AGBL1: variants seen among roughly 807,000 people sequenced by gnomAD.
AGBL1 encodes AGBL carboxypeptidase 1.
Under a neutral mutation model 118.9 loss-of-function variants are expected in AGBL1, and 130 were observed. The observed-to-expected ratio is 1.09, with a 90% CI of 0.95 to 1.26. The LOEUF is 1.26. Ranked by LOEUF, AGBL1 falls within the 50% of genes most tolerant of loss-of-function variation. AGBL1 has a pLI of 0.00. For missense variants in AGBL1, 1,584 were observed against 1,298.1 expected (o/e 1.22, Z -3.38); for synonymous variants, 555 against 478.9 (o/e 1.16, Z -2.08).
intron 22 of AGBL1, among the ~76,000 whole-genome samples, chr15:86,852,307 T>A (rs1454140305): frequency 6.6e-6 from 1 of 152,080 alleles, no homozygotes; most frequent in Non-Finnish European, 1.5e-5. Context: ...GAGAACAGCA[T>A]GGGGGAAACT....
At chr15:86,978,904 ATTG>A in intron 23 of AGBL1, among the ~76,000 whole-genome samples, 1 of 152,314 alleles carries the variant, frequency 6.6e-6, no homozygotes, top group Admixed American at 6.5e-5. Context: ...GAGGTGGAGA[ATTG>A]AGGCAGAAAA....
intron 22 of AGBL1, among the ~76,000 whole-genome samples, chr15:86,812,626 C>T (rs1596505509): frequency 6.6e-6 from 1 of 152,170 alleles, no homozygotes; most frequent in Non-Finnish European, 1.5e-5. Flanking sequence ...TTGGCCCCCA[C>T]AACCTCTGAC....
In AGBL1 at chr15:86,139,657, C is replaced by T. The variant is rs548528371; in HGVS notation, c.52-2347C>T. The stretch of plus-strand genomic sequence containing the variant: ...GATCCCATCAAGTATCTAGGGATCC[C>T]TAGAGGTCTCATCCTTCTCAGAATA... On this transcript the variant is annotated intron_variant, in intron 1 of 22. Transcript: ENST00000614907. Among the ~76,000 whole-genome samples, 362 of 152,104 alleles carry T rather than the reference C, an allele frequency of 2.4e-3. 1 individual carries two copies. The highest frequency in any genetic ancestry group is 8.5e-3 in the African/African-American group (351 of 41,498).
chr15:86,132,990 G>A (rs775796679), intron 1 of AGBL1, among the ~76,000 whole-genome samples: 10 of 152,056 alleles, frequency 6.6e-5, no homozygotes, highest in Admixed American at 1.3e-4. Flanking sequence ...TTTATTGAGC[G>A]TTTAGTGTGA....
chr15:86,232,534 C>T (rs1252801044), intron 6 of AGBL1, among the ~76,000 whole-genome samples: 2 of 152,106 alleles, frequency 1.3e-5, no homozygotes, highest in Non-Finnish European at 2.9e-5. Flanking sequence ...GAGGCATTTG[C>T]TAAGCCATTA....
chr15:86,740,524 G>T (rs1437810737), intron 22 of AGBL1, among the ~76,000 whole-genome samples: 2 of 152,196 alleles, frequency 1.3e-5, no homozygotes, highest in Non-Finnish European at 2.9e-5. Flanking sequence ...AATTGTCCCT[G>T]ATTTTAAGGA....
chr15:86,951,520 A>G (rs948068699), intron 23 of AGBL1, among the ~76,000 whole-genome samples: 4 of 152,228 alleles, frequency 2.6e-5, no homozygotes, highest in Admixed American at 2.0e-4. Flanking sequence ...ACATGACATC[A>G]TGGTTAATCT....
At chr15:86,472,031 G>A (rs934788844) in intron 18 of AGBL1, among the ~76,000 whole-genome samples, 2 of 152,188 alleles carry the variant, frequency 1.3e-5, no homozygotes, top group Admixed American at 1.3e-4. Context: ...ACCACTGACT[G>A]GTGTGATGCA....
intron 21 of AGBL1, among the ~76,000 whole-genome samples, chr15:86,596,907 A>G (rs1212398386): frequency 6.6e-6 from 1 of 152,136 alleles, no homozygotes; most frequent in African/African-American, 2.4e-5. Flanking sequence ...TCCTATTAAC[A>G]TTTAGTCTTC....
intron 1 of AGBL1, among the ~76,000 whole-genome samples, chr15:86,119,687 GTA>G (rs1359619751): frequency 1.4e-5 from 2 of 146,918 alleles, no homozygotes; most frequent in Non-Finnish European, 3.0e-5. Context: ...GTGTGTGTGT[GTA>G]TGTATTTGCA....
At chr15:86,307,018 A>G (rs2079851973) in intron 17 of AGBL1, among the ~76,000 whole-genome samples, 1 of 151,932 alleles carries the variant, frequency 6.6e-6, no homozygotes, top group East Asian at 1.9e-4. Flanking sequence ...GGATCATTCA[A>G]TTTTTTCCTA....
chr15:86,923,714 C>T (rs1269815346), intron 23 of AGBL1, among the ~76,000 whole-genome samples: 1 of 152,220 alleles, frequency 6.6e-6, no homozygotes, highest in Non-Finnish European at 1.5e-5. Context: ...CATCATTTAG[C>T]ATCTTCCAAT....
At chr15:86,965,372 C>G (rs1044900052) in intron 23 of AGBL1, among the ~76,000 whole-genome samples, 1 of 152,132 alleles carries the variant, frequency 6.6e-6, no homozygotes, top group African/African-American at 2.4e-5. Context: ...TTGCATTTCT[C>G]CAAAGGCCAG....
At chr15:86,572,500 C>T (rs2084024487) in intron 21 of AGBL1, among the ~76,000 whole-genome samples, 1 of 152,180 alleles carries the variant, frequency 6.6e-6, no homozygotes. Flanking sequence ...GTGGCAGGCT[C>T]CAGGAGGCTC....
rs186233142 is a variant in AGBL1 at position 86,901,492 on chromosome 15, A to G, written c.3159-5595A>G. ...ATACATAATGGTGTCTTCATTTCCAACTTTCTTTTCTATTGCACTATATTT... is the reference window on the plus strand; with the variant it reads ...ATACATAATGGTGTCTTCATTTCCAGCTTTCTTTTCTATTGCACTATATTT... On this transcript the variant is annotated intron_variant, in intron 22 of 22. Transcript: ENST00000614907. Among the ~76,000 whole-genome samples, 723 of 152,102 alleles carry G rather than the reference A, an allele frequency of 4.8e-3. 1 individual carries two copies. Among genetic ancestry groups the G allele is most frequent in the Non-Finnish European group, 7.9e-3 (538 of 67,958 alleles).
At chr15:86,234,818 C>A (rs901880379) in intron 6 of AGBL1, among the ~76,000 whole-genome samples, 13 of 152,232 alleles carry the variant, frequency 8.5e-5, no homozygotes, top group African/African-American at 3.1e-4. Flanking sequence ...AAGATGAACT[C>A]TTGTTTTATT....
intron 22 of AGBL1, among the ~76,000 whole-genome samples, chr15:86,806,109 G>A (rs1424564842): frequency 6.6e-6 from 1 of 152,138 alleles, no homozygotes; most frequent in South Asian, 2.1e-4. Context: ...GGAAGGGTGG[G>A]AGGCCTCCAG....
chr15:86,668,008 C>T (rs1002049394), intron 21 of AGBL1, among the ~76,000 whole-genome samples: 1 of 152,126 alleles, frequency 6.6e-6, no homozygotes, highest in African/African-American at 2.4e-5. Context: ...GAAGCGGGAG[C>T]AGGCATGTCA....
chr15:86,489,266 A>G (rs2082749676), intron 18 of AGBL1, among the ~76,000 whole-genome samples: 1 of 152,112 alleles, frequency 6.6e-6, no homozygotes, highest in Non-Finnish European at 1.5e-5. Context: ...AGGGTCTTGC[A>G]CAGTGCCTGG....
Sources: allele counts gnomAD v4.1 joint callset (sites outside exome capture counted in the v4.1 genomes callset), GRCh38; gene constraint gnomAD v4.1.1; transcripts MANE v1.5; gene names NCBI Gene and HGNC (gene_info 2026-07-23, HGNC 2026-07-21).